Variants in COL9A1 observed in about 807,000 individuals in gnomAD.
COL9A1 encodes the protein collagen alpha-1(IX) chain.
Under a neutral mutation model 142.6 loss-of-function variants are expected in COL9A1, and 104 were observed. The ratio of observed to expected loss-of-function variants is 0.73; its 90% CI spans 0.62 to 0.86. COL9A1 has a LOEUF of 0.86. COL9A1 is among the 40% of genes least tolerant of loss of function. The pLI, the probability that COL9A1 is intolerant of heterozygous loss-of-function variation, is 0.00. For missense variants in COL9A1, 1,210 were observed against 1,176.6 expected (o/e 1.03, Z -0.42); for synonymous variants, 466 against 396.0 (o/e 1.18, Z -2.10).
rs1309906601 is a variant in COL9A1, at chr6:70,216,737, A to G, written c.*160T>C. On this transcript the variant is annotated 3_prime_UTR_variant, in exon 38 of 38. Transcript: ENST00000357250. ...ACTTACTGAATAGCACCGTTCTTCT[A>G]TATGTGATTGTCAAGTAGGACTTCT... 16 of 754,804 alleles carry G rather than the reference A, an allele frequency of 2.1e-5. No homozygotes were observed. The highest frequency in any genetic ancestry group is 1.9e-4 in the East Asian group (7 of 37,022). 46.8% of individuals were successfully genotyped at this position (754,804 alleles called of 1,614,324 possible). A position where few individuals can be genotyped will look rare whatever the true frequency, so the allele number is the denominator to read the frequency against.
intron 1 of COL9A1, among the ~76,000 whole-genome samples, chr6:70,302,285 T>A (rs1055057915): frequency 6.6e-6 from 1 of 150,626 alleles, no homozygotes; most frequent in Non-Finnish European, 1.5e-5. Flanking sequence ...TCTCGGCTCT[T>A]TGCAACCTCC....
chr6:70,253,731 T>C (rs1326305910), intron 25 of COL9A1, among the ~76,000 whole-genome samples: 1 of 152,152 alleles, frequency 6.6e-6, no homozygotes, highest in African/African-American at 2.4e-5. Flanking sequence ...CAGTACCACT[T>C]TCAGGTCAAG....
chr6:70,246,428 GA>G (rs1304162663), intron 28 of COL9A1: 1 of 151,918 alleles, frequency 6.6e-6, no homozygotes, highest in Non-Finnish European at 1.5e-5. Context: ...CTTTGAAAAA[GA>G]TGCAGACCTT....
chr6:70,231,598 G>T (rs1021898872), intron 36 of COL9A1, among the ~76,000 whole-genome samples: 2 of 151,724 alleles, frequency 1.3e-5, no homozygotes, highest in East Asian at 3.9e-4. Flanking sequence ...TGTTCCAGCT[G>T]AAGGTCTAGT....
chr6:70,239,148 A>G (rs1770091831), intron 33 of COL9A1, 106 bp downstream of exon 33: 1 of 849,502 alleles, frequency 1.2e-6, no homozygotes, highest in Non-Finnish European at 1.9e-6. Flanking sequence ...CAAAAAAAAA[A>G]AGAATTGAAT....
chr6:70,252,064 A>C, intron 28 of COL9A1, 56 bp downstream of exon 28: 1 of 1,544,148 alleles, frequency 6.5e-7, no homozygotes, highest in Non-Finnish European at 9.0e-7. Context: ...GAATGGAAGA[A>C]CATCCAGCAA....
At chr6:70,274,185 G>GT (rs34897704) in intron 11 of COL9A1, 103 bp from the exon 12 acceptor site, 47,249 of 666,980 alleles carry the variant, frequency 0.071, 37 homozygotes, top group South Asian at 0.098. Context: ...CCATTATGGT[G>GT]TTTTTTTTTT....
In COL9A1 at chr6:70,255,183, T is replaced by G. The variant is rs1771199549; in HGVS notation, c.1578A>C (p.Gly526=). Residue 526 remains glycine (G), a synonymous_variant, in exon 23 of 38, where the codon GGA becomes GGC. Coordinates refer to ENST00000357250, the MANE Select transcript of COL9A1 (RefSeq NM_001851.6). ...CTTTGGGCCCAGGGAGACCAGGAAT[T>G]CCTCTAGCACCTTCAGCCCCCTGCA... The part of the protein sequence containing the change: ...KGDRGAEGAR[G]IPGLPGPKGD... The G allele has an allele frequency of 6.2e-7, 1 of 1,614,188 alleles. No individual in the cohort carries two copies. Among genetic ancestry groups the G allele is most frequent in the African/African-American group, 1.3e-5 (1 of 75,040 alleles).
At chr6:70,240,784 C>T in intron 31 of COL9A1, 51 bp from the exon 32 acceptor site, 1 of 1,360,758 alleles carries the variant, frequency 7.3e-7, no homozygotes, top group Non-Finnish European at 1.1e-6. Context: ...TCCCATTGCC[C>T]AATTTTAACC....
At position 70,216,654 on chromosome 6, in the gene COL9A1, CTT is replaced by C. The variant is rs3215859; in HGVS notation, c.*241_*242del. ...TTATTCAAGGGAGGTGTTTGGTTTT[CTT>C]TTTTTTTTTTTAACTGATGACTCTG... On this transcript the variant is annotated 3_prime_UTR_variant, in exon 38 of 38. Coordinates refer to ENST00000357250, the MANE Select transcript of COL9A1 (RefSeq NM_001851.6). 4.4e-3 allele frequency: 2,080 copies of C among 474,938 alleles called. No homozygotes were observed. Among genetic ancestry groups the C allele is most frequent in the South Asian group, 5.6e-3 (232 of 41,106 alleles). The allele number at this position is 474,938 out of a possible 1,614,324, so 29.4% of individuals were successfully genotyped here.
At chr6:70,295,372 C>T (rs540461851) in intron 4 of COL9A1, among the ~76,000 whole-genome samples, 1 of 149,236 alleles carries the variant, frequency 6.7e-6, no homozygotes. Context: ...CTGCAACCTC[C>T]ACCTCCTGGG....
chr6:70,216,744 A>AT lies in COL9A1; in HGVS notation c.*152dup. On this transcript the variant is annotated 3_prime_UTR_variant, in exon 38 of 38. Coordinates refer to ENST00000357250, the MANE Select transcript of COL9A1 (RefSeq NM_001851.6). ...GAATAGCACCGTTCTTCTATATGTGATTGTCAAGTAGGACTTCTGTAATCA... is the reference window on the plus strand; with the variant it reads ...GAATAGCACCGTTCTTCTATATGTGATTTGTCAAGTAGGACTTCTGTAATCA... The AT allele has an allele frequency of 3.8e-6, 3 of 794,454 alleles. No individual in the cohort carries two copies. The highest frequency in any genetic ancestry group is 6.5e-6 in the Non-Finnish European group (3 of 463,812). The allele number at this position is 794,454 out of a possible 1,614,324, so 49.2% of individuals were successfully genotyped here.
chr6:70,292,451 A>G (rs192818684), intron 5 of COL9A1, among the ~76,000 whole-genome samples: 1 of 152,326 alleles, frequency 6.6e-6, no homozygotes, highest in East Asian at 1.9e-4. Context: ...ATGTGGTAGA[A>G]TAAAATAGAA....
At chr6:70,243,003 T>C (rs1218427967) in intron 28 of COL9A1, among the ~76,000 whole-genome samples, 1 of 152,244 alleles carries the variant, frequency 6.6e-6, no homozygotes, top group Non-Finnish European at 1.5e-5. Flanking sequence ...GTTATTTGTG[T>C]CCATGTTTTA....
chr6:70,283,217 T>G, intron 6 of COL9A1: 1 of 1,460,212 alleles, frequency 6.8e-7, no homozygotes, highest in Non-Finnish European at 9.0e-7. Flanking sequence ...GCGTTCCCCC[T>G]GTTTATGAAT....
At position 70,280,889 on chromosome 6, in the gene COL9A1, A is replaced by T. The variant is rs1562323860; in HGVS notation, c.913-15T>A. Reference sequence around the variant, plus strand: ...CCTGCAGGACCCTGAGCAGGGGCAGAAGGGTGCGGGGGCAGGAGAGAAAAA... The same window carrying T: ...CCTGCAGGACCCTGAGCAGGGGCAGTAGGGTGCGGGGGCAGGAGAGAAAAA... On this transcript the variant is annotated splice_polypyrimidine_tract_variant and intron_variant, in intron 9 of 37. Coordinates refer to ENST00000357250, the MANE Select transcript of COL9A1 (RefSeq NM_001851.6). The T allele has an allele frequency of 3.1e-6, 5 of 1,613,374 alleles. No individual in the cohort carries two copies. The African/African-American group carries it at 6.7e-5, about 22-fold the overall frequency.
intron 10 of COL9A1, among the ~76,000 whole-genome samples, chr6:70,278,200 G>A (rs543068654): frequency 1.3e-3 from 205 of 152,180 alleles, no homozygotes; most frequent in African/African-American, 4.7e-3. Context: ...TTCTTGATCG[G>A]TGACTTAGGT....
chr6:70,280,575 T>TA, intron 10 of COL9A1: 1 of 1,392,610 alleles, frequency 7.2e-7, no homozygotes, highest in Non-Finnish European at 9.4e-7. Flanking sequence ...CGCTGCTGTT[T>TA]TCTAGGAGGA....
chr6:70,286,537 A>G (rs1773458408), intron 5 of COL9A1, among the ~76,000 whole-genome samples: 1 of 152,330 alleles, frequency 6.6e-6, no homozygotes, highest in East Asian at 1.9e-4. Context: ...ACACCAAAAA[A>G]CTAGCTCTTT....
Sources: gnomAD v4.1 joint callset for allele counts (sites outside exome capture counted in the v4.1 genomes callset) on GRCh38, gnomAD v4.1.1 for gene constraint, MANE v1.5 for transcripts, NCBI Gene and HGNC (gene_info 2026-07-23, HGNC 2026-07-21) for gene names.